PRELID2: variants seen among roughly 807,000 people sequenced by gnomAD.
The protein encoded by PRELID2 is PRELI domain-containing protein 2.
Under a neutral mutation model 28.4 loss-of-function variants are expected in PRELID2, and 25 were observed. That is an observed-to-expected ratio of 0.88 (90% CI 0.64 to 1.23). The LOEUF is 1.23. PRELID2 is among the 50% of genes most tolerant of loss of function. The pLI is 0.00. For missense variants in PRELID2, 201 were observed against 214.4 expected (o/e 0.94, Z 0.39); for synonymous variants, 76 against 71.6 (o/e 1.06, Z -0.31).
At chr5:145,660,855 G>A (rs780095329) in intron 1 of PRELID2, among the ~76,000 whole-genome samples, 3 of 152,060 alleles carry the variant, frequency 2.0e-5, no homozygotes, top group Non-Finnish European at 2.9e-5. Context: ...GGGAAAAAGC[G>A]GTATTTCTAA....
At chr5:145,290,259 C>G in the PRELID2 span, among the ~76,000 whole-genome samples, 4 of 152,042 alleles carry the variant, frequency 2.6e-5, no homozygotes, top group Non-Finnish European at 4.4e-5. Flanking sequence ...AGTATACACC[C>G]AAAGGATTAT....
the PRELID2 span, among the ~76,000 whole-genome samples, chr5:145,409,059 T>C: frequency 2.0e-5 from 3 of 152,206 alleles, no homozygotes; most frequent in Non-Finnish European, 4.4e-5. Context: ...ATTGGGGTCC[T>C]ATCCTTAGCC....
the PRELID2 span, among the ~76,000 whole-genome samples, chr5:145,340,059 C>G: frequency 5.9e-5 from 9 of 152,132 alleles, no homozygotes; most frequent in Non-Finnish European, 1.3e-4. Context: ...ACCTTGGGAC[C>G]ACTCCACCTC....
the PRELID2 span, among the ~76,000 whole-genome samples, chr5:145,389,226 C>T: frequency 6.6e-6 from 1 of 152,052 alleles, no homozygotes; most frequent in Non-Finnish European, 1.5e-5. Flanking sequence ...GATCTGCACT[C>T]AAAAATGACT....
At chr5:145,291,900 T>C in the PRELID2 span, among the ~76,000 whole-genome samples, 1 of 152,222 alleles carries the variant, frequency 6.6e-6, no homozygotes, top group Non-Finnish European at 1.5e-5. Flanking sequence ...TTGATTGAAT[T>C]GCCTTTGTGC....
intron 1 of PRELID2, among the ~76,000 whole-genome samples, chr5:145,539,328 C>T (rs1213457977): frequency 2.0e-5 from 3 of 152,044 alleles, no homozygotes; most frequent in Non-Finnish European, 4.4e-5. Context: ...GTGCAACACG[C>T]CATTTACGTC....
At chr5:145,259,442 G>A in the PRELID2 span, among the ~76,000 whole-genome samples, 2 of 152,190 alleles carry the variant, frequency 1.3e-5, no homozygotes, top group Admixed American at 6.5e-5. Flanking sequence ...GGGCAGAGCT[G>A]CACAAGGCTT....
chr5:145,735,925 C>G (rs568335704), intron 1 of PRELID2, among the ~76,000 whole-genome samples: 1 of 152,320 alleles, frequency 6.6e-6, no homozygotes, highest in East Asian at 1.9e-4. Context: ...ACTCGGCGCT[C>G]TCTCTGAAGT....
At chr5:145,769,213 ATT>A (rs1757956595) in intron 5 of PRELID2, among the ~76,000 whole-genome samples, 1 of 152,126 alleles carries the variant, frequency 6.6e-6, no homozygotes, top group African/African-American at 2.4e-5. Flanking sequence ...TGATTTTATT[ATT>A]TCTTTCCCCT....
intron 5 of PRELID2, among the ~76,000 whole-genome samples, chr5:145,789,503 G>A (rs2149807008): frequency 6.6e-6 from 1 of 152,116 alleles, no homozygotes; most frequent in Non-Finnish European, 1.5e-5. Flanking sequence ...AACTCAAAAT[G>A]AACTAAAGAC....
the PRELID2 span, among the ~76,000 whole-genome samples, chr5:145,428,222 G>C: frequency 1.3e-5 from 2 of 152,110 alleles, no homozygotes; most frequent in Non-Finnish European, 2.9e-5. Flanking sequence ...GCCTCCCAAA[G>C]TGCTGGGATT....
intron 1 of PRELID2, among the ~76,000 whole-genome samples, chr5:145,714,100 T>C (rs1167308765): frequency 1.3e-5 from 2 of 152,046 alleles, no homozygotes; most frequent in Non-Finnish European, 2.9e-5. Context: ...AATAAACCTT[T>C]ATTTTTACCC....
intron 1 of PRELID2, among the ~76,000 whole-genome samples, chr5:145,711,081 ACC>A (rs1423476861): frequency 6.6e-6 from 1 of 152,156 alleles, no homozygotes; most frequent in Non-Finnish European, 1.5e-5. Flanking sequence ...AATTTCCTGA[ACC>A]CAAGCATTCA....
intron 5 of PRELID2, among the ~76,000 whole-genome samples, chr5:145,772,383 G>C (rs907197630): frequency 8.5e-5 from 13 of 152,154 alleles, no homozygotes; most frequent in African/African-American, 2.4e-4. Flanking sequence ...CACACTGTTG[G>C]AACTAGTCTG....
chr5:145,594,473 T>A (rs1041400074), intron 1 of PRELID2, among the ~76,000 whole-genome samples: 16 of 152,180 alleles, frequency 1.1e-4, no homozygotes, highest in African/African-American at 3.9e-4. Flanking sequence ...TCATCTCAAT[T>A]TGCTTTGAAG....
chr5:145,722,830 G>C (rs1756028818), intron 1 of PRELID2, among the ~76,000 whole-genome samples: 1 of 152,036 alleles, frequency 6.6e-6, no homozygotes, highest in African/African-American at 2.4e-5. Context: ...AAAAAATACA[G>C]TTTACCAACA....
At chr5:145,395,161 T>C in the PRELID2 span, among the ~76,000 whole-genome samples, 2 of 152,018 alleles carry the variant, frequency 1.3e-5, no homozygotes, top group East Asian at 1.9e-4. Context: ...TAAATACTGG[T>C]GTCATCTATA....
At chr5:145,556,959 T>G (rs1541659) in intron 1 of PRELID2, among the ~76,000 whole-genome samples, 1 of 151,934 alleles carries the variant, frequency 6.6e-6, no homozygotes, top group Admixed American at 6.6e-5. Flanking sequence ...AGGCCCAATA[T>G]CTCTAGTGTA....
chr5:145,438,492 G>T, the PRELID2 span, among the ~76,000 whole-genome samples: 2 of 152,010 alleles, frequency 1.3e-5, no homozygotes, highest in Non-Finnish European at 2.9e-5. Context: ...TGAATAAGAT[G>T]CTCCAGCTTT....
Sources: allele counts gnomAD v4.1 joint callset (sites outside exome capture counted in the v4.1 genomes callset), GRCh38; gene constraint gnomAD v4.1.1; transcripts MANE v1.5; gene names NCBI Gene and HGNC (gene_info 2026-07-23, HGNC 2026-07-21).